FRMD4B: variants seen among roughly 807,000 people sequenced by gnomAD.
FRMD4B encodes FERM domain containing 4B, also known as FERM domain-containing protein 4B.
FRMD4B carries 74 observed loss-of-function variants against 141.5 expected under a neutral mutation model. The observed-to-expected ratio is 0.52, with a 90% CI of 0.43 to 0.63. FRMD4B has a LOEUF of 0.63. FRMD4B is among the 30% of genes least tolerant of loss of function. FRMD4B has a pLI of 0.00. For missense variants in FRMD4B, 1,366 were observed against 1,253.4 expected (o/e 1.09, Z -1.36); for synonymous variants, 506 against 467.9 (o/e 1.08, Z -1.05).
rs141967223 is a variant in FRMD4B, at chr3:69,291,609, A to G, written c.417-3773T>C. Reference sequence around the variant, plus strand: ...CATCATGGTGTGGGTAGGTGACCCAAGCTAGGCCAGTCAGCTTCTCACCCT... The same window carrying G: ...CATCATGGTGTGGGTAGGTGACCCAGGCTAGGCCAGTCAGCTTCTCACCCT... On this transcript the variant is annotated intron_variant, in intron 4 of 22. Coordinates refer to ENST00000398540, the MANE Select transcript of FRMD4B (RefSeq NM_015123.3). Among the ~76,000 whole-genome samples the G allele has an allele frequency of 9.3e-3, 1,413 of 152,300 alleles. 27 individuals carry two copies. The highest frequency in any genetic ancestry group is 0.032 in the African/African-American group (1,339 of 41,568).
chr3:69,441,975 T>C (rs1218047924), intron 1 of FRMD4B, among the ~76,000 whole-genome samples: 1 of 152,168 alleles, frequency 6.6e-6, no homozygotes, highest in East Asian at 1.9e-4. Context: ...CCATTTCTAC[T>C]CCTAAGAGAT....
chr3:69,479,107 C>T (rs560015744), intron 1 of FRMD4B, among the ~76,000 whole-genome samples: 1,555 of 144,158 alleles, frequency 0.011, 11 homozygotes, highest in East Asian at 0.049. Context: ...TGTCTCTGCA[C>T]ATGAGATGGG....
intron 2 of FRMD4B, among the ~76,000 whole-genome samples, chr3:69,402,124 G>A (rs921882234): frequency 7.2e-5 from 11 of 152,030 alleles, no homozygotes; most frequent in Non-Finnish European, 1.2e-4. Flanking sequence ...TCCAATATCC[G>A]TTCTACCCAA....
At chr3:69,433,522 C>T (rs1166056115) in intron 1 of FRMD4B, among the ~76,000 whole-genome samples, 1 of 152,216 alleles carries the variant, frequency 6.6e-6, no homozygotes, top group Non-Finnish European at 1.5e-5. Context: ...CACCTCCCCA[C>T]ACCACCTGCC....
chr3:69,317,945 C>T (rs1258980821), intron 1 of FRMD4B, among the ~76,000 whole-genome samples: 1 of 151,576 alleles, frequency 6.6e-6, no homozygotes, highest in Non-Finnish European at 1.5e-5. Context: ...CATTTTTTTC[C>T]CTCTCTTAAG....
intron 4 of FRMD4B, 32 bp downstream of exon 4, chr3:69,302,311 G>A (rs752980449): frequency 3.8e-5 from 18 of 477,292 alleles, no homozygotes; most frequent in Middle Eastern, 5.4e-4. Context: ...AGCAAAAAAA[G>A]AGGGATGCTA....
intron 4 of FRMD4B, among the ~76,000 whole-genome samples, chr3:69,302,065 C>A (rs563950794): frequency 2.0e-5 from 3 of 152,204 alleles, no homozygotes; most frequent in African/African-American, 7.2e-5. Flanking sequence ...CCATGTTTTT[C>A]AGCTTTAAAT....
chr3:69,253,851 G>A (rs903701946), intron 5 of FRMD4B, among the ~76,000 whole-genome samples: 4 of 152,192 alleles, frequency 2.6e-5, no homozygotes, highest in Non-Finnish European at 2.9e-5. Context: ...ACTTTGGGAG[G>A]CTGAGGTGGG....
At chr3:69,234,680 C>A (rs1322501350) in intron 7 of FRMD4B, among the ~76,000 whole-genome samples, 2 of 152,146 alleles carry the variant, frequency 1.3e-5, no homozygotes. Context: ...CAGTGATTAT[C>A]ATTGTACCCT....
intron 1 of FRMD4B, among the ~76,000 whole-genome samples, chr3:69,455,403 C>T (rs374522235): frequency 3.3e-4 from 51 of 152,348 alleles, no homozygotes; most frequent in Non-Finnish European, 5.3e-4. Flanking sequence ...AGGTCTGCAG[C>T]TTCTCATCTG....
At chr3:69,535,763 C>T in intron 1 of FRMD4B, 1 of 467,088 alleles carries the variant, frequency 2.1e-6, no homozygotes, top group Admixed American at 2.4e-5. Flanking sequence ...GACAGGTGTG[C>T]AGGCACCACC....
At chr3:69,392,348 T>TG (rs1704398595) in intron 2 of FRMD4B, among the ~76,000 whole-genome samples, 1 of 152,110 alleles carries the variant, frequency 6.6e-6, no homozygotes, top group Non-Finnish European at 1.5e-5. Flanking sequence ...CCTGAGCACA[T>TG]GACTTTCAGC....
At chr3:69,409,400 G>A (rs1704715241) in intron 2 of FRMD4B, among the ~76,000 whole-genome samples, 1 of 152,184 alleles carries the variant, frequency 6.6e-6, no homozygotes, top group South Asian at 2.1e-4. Flanking sequence ...ACCACAGAAA[G>A]CTTACAATGA....
At chr3:69,343,598 T>TTTA (rs1471660184) in intron 1 of FRMD4B, among the ~76,000 whole-genome samples, 1 of 130,732 alleles carries the variant, frequency 7.6e-6, no homozygotes, top group African/African-American at 2.7e-5. Context: ...TTTTTTTTTT[T>TTTA]AGACGGGGTC....
intron 1 of FRMD4B, chr3:69,535,655 G>A (rs569941841): frequency 2.4e-5 from 5 of 211,346 alleles, no homozygotes; most frequent in Admixed American, 5.6e-5. Flanking sequence ...CCCTGCCTCC[G>A]GCCCTAGGAT....
At position 69,181,498 on chromosome 3, in the gene FRMD4B, T is replaced by C. The variant is rs546305067; in HGVS notation, c.2252A>G (p.Tyr751Cys). 30 of 1,613,794 alleles carry C rather than the reference T, an allele frequency of 1.9e-5. No homozygotes were observed. The South Asian group carries it at 2.9e-4, about 15-fold the overall frequency. ...GCGAGTGTCCAGGGTCTGGGTGGTG[T>C]AATAGGGGCCGGTAACTGGTGTCAC... ...YCVTPVTGPY[Y>C]TTQTLDTRTR... Residue 751 changes from tyrosine to cysteine, a missense_variant, in exon 21 of 23, where the codon TAC (tyrosine) becomes TGC (cysteine). By Grantham distance (194) the Tyr-to-Cys change is radical. Transcript: ENST00000398540.
At chr3:69,410,791 C>T (rs72939655) in intron 2 of FRMD4B, among the ~76,000 whole-genome samples, 4,491 of 142,452 alleles carry the variant, frequency 0.032, 288 homozygotes, top group African/African-American at 0.11. Flanking sequence ...CAGGGTCTTG[C>T]TCTGTTGCCC....
Position 69,171,687 on chromosome 3 carries a change from C to T in FRMD4B, c.*174G>A, listed in dbSNP as rs529094319. On this transcript the variant is annotated 3_prime_UTR_variant, in exon 23 of 23. Coordinates refer to ENST00000398540, the MANE Select transcript of FRMD4B (RefSeq NM_015123.3). ...GAAAGGCCAAATCCTCCTTTAGGGG[C>T]TTTGTGGGGCTTGGTGTGTGATTCA... 2.7e-5 allele frequency: 17 copies of T among 630,098 alleles called. No homozygotes were observed. In the East Asian group the frequency reaches 4.7e-4, roughly 17 times the overall value. The allele number at this position is 630,098 out of a possible 1,614,324, so 39.0% of individuals were successfully genotyped here.
At chr3:69,504,447 A>C (rs902818003) in intron 1 of FRMD4B, among the ~76,000 whole-genome samples, 3 of 152,174 alleles carry the variant, frequency 2.0e-5, no homozygotes, top group Non-Finnish European at 2.9e-5. Context: ...TCCTAAAAGA[A>C]ACCTACACCG....
Sources: gnomAD v4.1 joint callset for allele counts (sites outside exome capture counted in the v4.1 genomes callset) on GRCh38, gnomAD v4.1.1 for gene constraint, MANE v1.5 for transcripts, NCBI Gene and HGNC (gene_info 2026-07-23, HGNC 2026-07-21) for gene names.